NCOA1: variants seen among roughly 807,000 people sequenced by gnomAD.
NCOA1 encodes the protein nuclear receptor coactivator 1.
Under a neutral mutation model 150.9 loss-of-function variants are expected in NCOA1, and 35 were observed. The observed-to-expected ratio is 0.23, with a 90% CI of 0.18 to 0.31. NCOA1 has a LOEUF of 0.31. Among genes scored for constraint, NCOA1 ranks in the 10% least tolerant of loss-of-function variants. The probability of loss-of-function intolerance (pLI) is 1.00; values close to 1 mark genes in which losing one functional copy is unlikely to be tolerated. For synonymous variants in NCOA1, 590 were observed against 630.0 expected, an observed-to-expected ratio of 0.94 and a Z score of 0.95; for missense variants, 1,491 against 1,749.3, an observed-to-expected ratio of 0.85 and a Z score of 2.63.
At chr2:24,580,364 A>G (rs1667148863) in intron 2 of NCOA1, among the ~76,000 whole-genome samples, 1 of 152,186 alleles carries the variant, frequency 6.6e-6, no homozygotes, top group Non-Finnish European at 1.5e-5. Context: ...GTTGGATTCC[A>G]TGGCAGAAGG....
intron 3 of NCOA1, among the ~76,000 whole-genome samples, chr2:24,592,749 A>G (rs1667711720): frequency 6.6e-6 from 1 of 152,012 alleles, no homozygotes; most frequent in Non-Finnish European, 1.5e-5. Context: ...CCCCCCTGTT[A>G]TAACAATTCT....
In NCOA1 at chr2:24,491,527, G is replaced by T. The variant is rs1662956464; in HGVS notation, c.-471G>T. The stretch of plus-strand genomic sequence containing the variant: ...GGCGCCGGGCCCGAGGAGCGGCGGA[G>T]GCCGGGGCGGCGCCGCCGCCACGGT... On this transcript the variant is annotated 5_prime_UTR_variant, in exon 1 of 23. The change creates a new upstream start codon in the 5' untranslated region. Coordinates refer to ENST00000348332, the MANE Select transcript of NCOA1 (RefSeq NM_003743.5). Among the ~76,000 whole-genome samples the T allele has an allele frequency of 6.8e-6, 1 of 147,322 alleles. No homozygotes were observed. The highest frequency in any genetic ancestry group is 2.4e-5 in the African/African-American group (1 of 40,992).
At chr2:24,767,978 A>T (rs1400826768) in intron 22 of NCOA1, 1 of 1,145,888 alleles carries the variant, frequency 8.7e-7, no homozygotes, top group Non-Finnish European at 1.3e-6. Context: ...ATTGATGGCA[A>T]CCCTATAGGA....
At chr2:24,524,748 C>A (rs1664580602) in intron 1 of NCOA1, among the ~76,000 whole-genome samples, 1 of 152,120 alleles carries the variant, frequency 6.6e-6, no homozygotes, top group South Asian at 2.1e-4. Context: ...GCTGGGATTA[C>A]ACGTACCCAC....
intron 1 of NCOA1, among the ~76,000 whole-genome samples, chr2:24,528,432 A>C (rs1664740762): frequency 6.7e-6 from 1 of 149,038 alleles, no homozygotes; most frequent in Admixed American, 6.8e-5. Context: ...CTGCAGCCAC[A>C]ATCTTTTGGG....
At chr2:24,645,317 C>T (rs1011416379) in intron 4 of NCOA1, among the ~76,000 whole-genome samples, 39 of 150,172 alleles carry the variant, frequency 2.6e-4, no homozygotes, top group Non-Finnish European at 5.6e-4. Flanking sequence ...AGGTGAAACC[C>T]CGTCTCTACT....
intron 1 of NCOA1, among the ~76,000 whole-genome samples, chr2:24,563,591 C>T (rs147712756): frequency 6.6e-6 from 1 of 152,088 alleles, no homozygotes; most frequent in East Asian, 1.9e-4. Context: ...GATCCTGGCT[C>T]ACTGCAGTCT....
intron 3 of NCOA1, among the ~76,000 whole-genome samples, chr2:24,602,793 T>C (rs1668182818): frequency 6.6e-6 from 1 of 152,166 alleles, no homozygotes; most frequent in Non-Finnish European, 1.5e-5. Flanking sequence ...AACTAAGCAG[T>C]GTCATGTACA....
intron 14 of NCOA1, among the ~76,000 whole-genome samples, chr2:24,715,085 A>G (rs905225401): frequency 1.3e-5 from 2 of 152,146 alleles, no homozygotes; most frequent in African/African-American, 4.8e-5. Flanking sequence ...TCATTCAGAA[A>G]TGCAGGTGAA....
At chr2:24,737,319 G>A (rs1338601329) in intron 17 of NCOA1, among the ~76,000 whole-genome samples, 2 of 152,084 alleles carry the variant, frequency 1.3e-5, no homozygotes, top group African/African-American at 2.4e-5. Context: ...TAGTCAAGGG[G>A]AGGAAAAAAT....
chr2:24,673,787 A>G (rs1289561461), intron 7 of NCOA1, among the ~76,000 whole-genome samples: 1 of 152,194 alleles, frequency 6.6e-6, no homozygotes, highest in African/African-American at 2.4e-5. Context: ...TTACTTAGCT[A>G]GCTAGTGTTA....
intron 3 of NCOA1, among the ~76,000 whole-genome samples, chr2:24,609,818 G>A (rs1668543130): frequency 6.6e-6 from 1 of 151,382 alleles, no homozygotes; most frequent in Non-Finnish European, 1.5e-5. Context: ...AGCATTGATG[G>A]GAATACATTC....
Position 24,718,937 on chromosome 2 carries a change from G to GA in NCOA1, c.2600-7648dup, listed in dbSNP as rs1296179144. 2.0e-4 allele frequency among the ~76,000 whole-genome samples: 26 copies of GA among 132,774 alleles called. No homozygotes were observed. In the Admixed American group the frequency reaches 2.3e-3, roughly 12 times the overall value. 87.1% of individuals were successfully genotyped at this position (132,774 alleles called of 152,430 possible). A position where few individuals can be genotyped will look rare whatever the true frequency, so the allele number is the denominator to read the frequency against. ...ACAGCTTCTAGGGAGGCTGAGGCACGAAAATCACTTGAACCTGGGAGGTGG... is the reference window on the plus strand; with the variant it reads ...ACAGCTTCTAGGGAGGCTGAGGCACGAAAAATCACTTGAACCTGGGAGGTGG... On this transcript the variant is annotated intron_variant, in intron 14 of 22. Coordinates refer to ENST00000348332, the MANE Select transcript of NCOA1 (RefSeq NM_003743.5).
At chr2:24,764,456 T>C (rs1310824391) in intron 22 of NCOA1, among the ~76,000 whole-genome samples, 1 of 152,196 alleles carries the variant, frequency 6.6e-6, no homozygotes, top group Non-Finnish European at 1.5e-5. Flanking sequence ...AGAGCTGAGC[T>C]GAGCCTTGAA....
At chr2:24,652,999 A>G (rs764065890) in intron 4 of NCOA1, among the ~76,000 whole-genome samples, 4 of 152,140 alleles carry the variant, frequency 2.6e-5, no homozygotes, top group Admixed American at 6.5e-5. Context: ...GAATCATACT[A>G]TCAGCAAATT....
chr2:24,667,704 ACT>A (rs1207656050), intron 6 of NCOA1, among the ~76,000 whole-genome samples: 1 of 152,006 alleles, frequency 6.6e-6, no homozygotes, highest in Non-Finnish European at 1.5e-5. Flanking sequence ...GTTTCCTCAC[ACT>A]CTCTGCCCTG....
chr2:24,555,566 T>C (rs1438904564), intron 1 of NCOA1, among the ~76,000 whole-genome samples: 1 of 152,270 alleles, frequency 6.6e-6, no homozygotes, highest in Admixed American at 6.5e-5. Flanking sequence ...TATCGATAAC[T>C]GTAATTGTGG....
intron 1 of NCOA1, among the ~76,000 whole-genome samples, chr2:24,563,963 C>G (rs1280769693): frequency 1.3e-5 from 2 of 152,124 alleles, no homozygotes; most frequent in Non-Finnish European, 2.9e-5. Context: ...AAACTGGATA[C>G]TCAGGCTACT....
rs200731209 is a variant in NCOA1, at chr2:24,719,213, GA to G, written c.2600-7375del. On this transcript the variant is annotated intron_variant, in intron 14 of 22. Coordinates refer to ENST00000348332, the MANE Select transcript of NCOA1 (RefSeq NM_003743.5). ...AAGTGAAAAAAGCCATATATATTCA[GA>G]TTTTTTTTAAGCTCTCAAACAGGCA... Among the ~76,000 whole-genome samples, 492 of 152,128 alleles carry G rather than the reference GA, an allele frequency of 3.2e-3. 3 individuals carry two copies. The highest frequency in any genetic ancestry group is 0.011 in the African/African-American group (471 of 41,520).
Sources: allele counts gnomAD v4.1 joint callset (sites outside exome capture counted in the v4.1 genomes callset), GRCh38; gene constraint gnomAD v4.1.1; transcripts MANE v1.5; gene names NCBI Gene and HGNC (gene_info 2026-07-23, HGNC 2026-07-21).